The following PREP variants were observed in gnomAD, a reference collection of about 807,000 sequenced individuals.
PREP encodes prolyl endopeptidase, also known as dJ355L5.1 (prolyl endopeptidase).
A neutral mutation model predicts 87.6 loss-of-function variants in PREP; 29 were observed. The observed-to-expected ratio is 0.33, with a 90% CI of 0.25 to 0.45. The LOEUF is 0.45. Among genes scored for constraint, PREP ranks in the 20% least tolerant of loss-of-function variants. The pLI, the probability that PREP is intolerant of heterozygous loss-of-function variation, is 1.00. For missense variants in PREP, 695 were observed against 886.5 expected (o/e 0.78, Z 2.74); for synonymous variants, 337 against 328.6 (o/e 1.03, Z -0.28).
At chr6:105,343,089 A>G (rs1260654574) in intron 7 of PREP, among the ~76,000 whole-genome samples, 1 of 152,256 alleles carries the variant, frequency 6.6e-6, no homozygotes, top group Non-Finnish European at 1.5e-5. Flanking sequence ...AGCCAAAAGA[A>G]CAAAGCTGGA....
intron 10 of PREP, among the ~76,000 whole-genome samples, chr6:105,313,661 C>G (rs926565940): frequency 7.2e-5 from 11 of 151,848 alleles, no homozygotes; most frequent in African/African-American, 1.2e-4. Context: ...AGAAAAATCA[C>G]CTGCTTTTAT....
intron 6 of PREP, among the ~76,000 whole-genome samples, chr6:105,367,416 T>C (rs963843654): frequency 4.6e-5 from 7 of 152,016 alleles, no homozygotes; most frequent in Non-Finnish European, 7.4e-5. Flanking sequence ...AGAAAAGGCA[T>C]GAAAAACGGA....
intron 10 of PREP, among the ~76,000 whole-genome samples, chr6:105,289,863 G>C (rs1449311805): frequency 6.6e-6 from 1 of 152,074 alleles, no homozygotes; most frequent in Non-Finnish European, 1.5e-5. Context: ...ATGTGACCTG[G>C]AGCCATATTT....
chr6:105,306,017 T>C (rs1770646197), intron 10 of PREP, among the ~76,000 whole-genome samples: 1 of 151,930 alleles, frequency 6.6e-6, no homozygotes, highest in African/African-American at 2.4e-5. Flanking sequence ...AATTTTAAAA[T>C]TTTTTGTAGA....
At chr6:105,323,169 T>C (rs1771057858) in intron 10 of PREP, 4 of 1,214,438 alleles carry the variant, frequency 3.3e-6, no homozygotes, top group South Asian at 2.5e-5. Flanking sequence ...AAGACGAAGC[T>C]TGTGGTGACA....
rs749147310 is a variant in PREP, at chr6:105,276,530, C to T, written c.*1614G>A. Among the ~76,000 whole-genome samples, 11 of 152,166 alleles carry T rather than the reference C, an allele frequency of 7.2e-5. No homozygotes were observed. Among genetic ancestry groups the T allele is most frequent in the Admixed American group, 1.3e-4 (2 of 15,272 alleles). On this transcript the variant is annotated 3_prime_UTR_variant, in exon 15 of 15. Coordinates refer to ENST00000652536, the MANE Select transcript of PREP (RefSeq NM_002726.5). ...GCAAATGTATTTTCTTTCTTTCCTG[C>T]CATGCTGGTCAGCAGTTACACCAAA...
At chr6:105,352,173 T>C (rs1386063259) in intron 7 of PREP, among the ~76,000 whole-genome samples, 4 of 152,246 alleles carry the variant, frequency 2.6e-5, no homozygotes, top group African/African-American at 9.6e-5. Flanking sequence ...AACTAGAAGA[T>C]AATGTAATTA....
chr6:105,373,201 C>T (rs1583091763), intron 5 of PREP, among the ~76,000 whole-genome samples, 168 bp downstream of exon 5: 3 of 152,240 alleles, frequency 2.0e-5, no homozygotes, highest in African/African-American at 7.2e-5. Flanking sequence ...TAAGCTACTA[C>T]ATTTTGGTGG....
intron 6 of PREP, among the ~76,000 whole-genome samples, chr6:105,358,913 A>G (rs541538236): frequency 9.5e-4 from 145 of 152,320 alleles, no homozygotes; most frequent in African/African-American, 3.0e-3. Flanking sequence ...CCACAGGCTC[A>G]AGGGCAAAAG....
rs115093813 is a variant in PREP at position 105,324,013 on chromosome 6, A to G, written c.1214-245T>C. Among the ~76,000 whole-genome samples the G allele has an allele frequency of 1.6e-3, 251 of 152,314 alleles. 1 individual carries two copies. The highest frequency in any genetic ancestry group is 5.8e-3 in the African/African-American group (240 of 41,570). On this transcript the variant is annotated intron_variant, in intron 9 of 14. Transcript: ENST00000652536. Reference sequence around the variant, plus strand: ...ATCTCATGCAGCCTTCTTTTTTATAACACTAGTAAGTATATACATTTTAGA... The same window carrying G: ...ATCTCATGCAGCCTTCTTTTTTATAGCACTAGTAAGTATATACATTTTAGA...
chr6:105,274,682 C>T lies in PREP; in HGVS notation c.*3462G>A, dbSNP rs2114604334. On this transcript the variant is annotated 3_prime_UTR_variant, in exon 15 of 15. Coordinates refer to ENST00000652536, the MANE Select transcript of PREP (RefSeq NM_002726.5). ...ACTGGGAAGGCTGAGGCAGGAGAAT[C>T]ACGTGAACCCAAGAGGTGGAGGTTG... 6.6e-6 allele frequency among the ~76,000 whole-genome samples: 1 copy of T among 152,218 alleles called. No homozygotes were observed. Among genetic ancestry groups the T allele is most frequent in the South Asian group, 2.1e-4 (1 of 4,814 alleles).
chr6:105,351,124 C>T (rs1008721502), intron 7 of PREP, among the ~76,000 whole-genome samples: 1 of 152,194 alleles, frequency 6.6e-6, no homozygotes, highest in Non-Finnish European at 1.5e-5. Context: ...CCTCGTTAAT[C>T]AATCAAACAC....
intron 10 of PREP, among the ~76,000 whole-genome samples, chr6:105,313,863 G>T (rs944892302): frequency 6.6e-6 from 1 of 152,190 alleles, no homozygotes; most frequent in African/African-American, 2.4e-5. Context: ...AAAAGCAAAA[G>T]AGTAAATAAA....
At chr6:105,302,649 G>C (rs1381467874) in intron 10 of PREP, 2 of 470,708 alleles carry the variant, frequency 4.2e-6, no homozygotes, top group African/African-American at 4.0e-5. Context: ...GGTTAATTAC[G>C]GTGAGAACAC....
intron 6 of PREP, among the ~76,000 whole-genome samples, chr6:105,359,973 G>C (rs1772203555): frequency 6.6e-6 from 1 of 152,172 alleles, no homozygotes; most frequent in Admixed American, 6.5e-5. Context: ...CTCAGAGTCT[G>C]CTTCCCAGGG....
intron 10 of PREP, among the ~76,000 whole-genome samples, chr6:105,314,809 G>A (rs868139405): frequency 6.6e-6 from 1 of 152,244 alleles, no homozygotes; most frequent in Middle Eastern, 3.4e-3. Context: ...CTAGAATGGT[G>A]AATCCTGTCC....
At chr6:105,371,311 T>C (rs753160900) in intron 5 of PREP, among the ~76,000 whole-genome samples, 2 of 152,010 alleles carry the variant, frequency 1.3e-5, no homozygotes, top group Non-Finnish European at 2.9e-5. Flanking sequence ...AAGACCAGCA[T>C]GGCCAATATG....
intron 14 of PREP, among the ~76,000 whole-genome samples, chr6:105,280,320 A>T: frequency 6.6e-6 from 1 of 152,224 alleles, no homozygotes; most frequent in East Asian, 1.9e-4. Context: ...AAAACTTTAG[A>T]AACTAAAGTT....
At chr6:105,344,635 A>T (rs1186740071) in intron 7 of PREP, among the ~76,000 whole-genome samples, 3 of 151,884 alleles carry the variant, frequency 2.0e-5, no homozygotes, top group African/African-American at 7.2e-5. Context: ...AACAATGAGA[A>T]CACTTGGACA....
Sources: allele counts gnomAD v4.1 joint callset (sites outside exome capture counted in the v4.1 genomes callset), GRCh38; gene constraint gnomAD v4.1.1; transcripts MANE v1.5; gene names NCBI Gene and HGNC (gene_info 2026-07-23, HGNC 2026-07-21).